Variants in ANKRD33B observed in about 807,000 individuals in gnomAD.
ANKRD33B encodes the protein ankyrin repeat domain-containing protein 33B.
In ANKRD33B, 6 loss-of-function variants were observed where a neutral mutation model predicts 21.5. That is an observed-to-expected ratio of 0.28 (90% CI 0.15 to 0.55). The LOEUF (loss-of-function observed/expected upper bound fraction) is 0.55. Among genes scored for constraint, ANKRD33B ranks in the 20% least tolerant of loss-of-function variants. The pLI is 0.94. For synonymous variants in ANKRD33B, 347 were observed against 342.4 expected (o/e 1.01, Z -0.15); for missense variants, 698 against 747.2 (o/e 0.93, Z 0.77).
chr5:10,638,576 G>A (rs115597151), intron 3 of ANKRD33B, among the ~76,000 whole-genome samples: 1,924 of 152,364 alleles, frequency 0.013, 50 homozygotes, highest in African/African-American at 0.044. Flanking sequence ...CTAGGTCACT[G>A]CTTGCTGGTG....
At chr5:10,591,560 G>A (rs4702704) in intron 1 of ANKRD33B, among the ~76,000 whole-genome samples, 85,548 of 151,794 alleles carry the variant, frequency 0.56, 24,612 homozygotes, top group East Asian at 0.7. Context: ...TTTTTTTTCC[G>A]TATGACTGGG....
At position 10,654,182 on chromosome 5, in the gene ANKRD33B, T is replaced by C. The variant is rs959448539; in HGVS notation, c.*4069T>C. On this transcript the variant is annotated 3_prime_UTR_variant, in exon 4 of 4. Transcript: ENST00000296657. ...GGGACCTCCTAGACCCCAGAGTGAA[T>C]GAATGGCAGGCCTGCCAGTGACTGT... 6 of 152,372 alleles carry C rather than the reference T, an allele frequency of 3.9e-5. No homozygotes were observed. The highest frequency in any genetic ancestry group is 1.4e-4 in the African/African-American group (6 of 41,440). 9.4% of individuals were successfully genotyped at this position (152,372 alleles called of 1,614,324 possible). A position where few individuals can be genotyped will look rare whatever the true frequency, so the allele number is the denominator to read the frequency against.
chr5:10,566,242 G>C (rs1031098517), intron 1 of ANKRD33B, among the ~76,000 whole-genome samples: 1 of 152,204 alleles, frequency 6.6e-6, no homozygotes, highest in African/African-American at 2.4e-5. Flanking sequence ...GAGCCCTGTA[G>C]TTCCTGCTGC....
At chr5:10,597,793 A>T (rs1410187726) in intron 1 of ANKRD33B, among the ~76,000 whole-genome samples, 1 of 152,116 alleles carries the variant, frequency 6.6e-6, no homozygotes, top group Non-Finnish European at 1.5e-5. Context: ...GAAGTAAAAC[A>T]CTCCTCAGCA....
intron 2 of ANKRD33B, among the ~76,000 whole-genome samples, chr5:10,634,261 A>G (rs971175495): frequency 2.6e-5 from 4 of 152,134 alleles, no homozygotes; most frequent in Non-Finnish European, 5.9e-5. Flanking sequence ...ACTATGTTCC[A>G]GTGACGCGAT....
In ANKRD33B at chr5:10,636,690, A is replaced by T. The variant is rs573284262; in HGVS notation, c.497-1338A>T. On this transcript the variant is annotated intron_variant, in intron 2 of 3. Coordinates refer to ENST00000296657, the MANE Select transcript of ANKRD33B (RefSeq NM_001164440.2). ...GGTTCAGGAGGAGAGACTCGGGCAG[A>T]TTGCTCATATTCCCAAGAGTTTCAG... 1.6e-4 allele frequency among the ~76,000 whole-genome samples: 25 copies of T among 152,312 alleles called. No individual in the cohort carries two copies. The South Asian group carries it at 5.2e-3, about 32-fold the overall frequency.
At chr5:10,648,584 A>ACC (rs1737242308) in intron 3 of ANKRD33B, among the ~76,000 whole-genome samples, 2 of 151,250 alleles carry the variant, frequency 1.3e-5, no homozygotes, top group Admixed American at 6.6e-5. Context: ...ACATGGAGAA[A>ACC]CCCCCTCTCT....
At chr5:10,615,601 T>C (rs999159261) in intron 1 of ANKRD33B, among the ~76,000 whole-genome samples, 3 of 152,234 alleles carry the variant, frequency 2.0e-5, no homozygotes, top group Non-Finnish European at 2.9e-5. Context: ...CCTGTTTTAG[T>C]TTGAAGAAAA....
At chr5:10,595,642 T>G (rs1264364343) in intron 1 of ANKRD33B, among the ~76,000 whole-genome samples, 1 of 152,204 alleles carries the variant, frequency 6.6e-6, no homozygotes, top group Non-Finnish European at 1.5e-5. Flanking sequence ...GGAGAGGGGT[T>G]CAGAATCCTC....
At chr5:10,607,396 C>T (rs1179482092) in intron 1 of ANKRD33B, among the ~76,000 whole-genome samples, 1 of 152,220 alleles carries the variant, frequency 6.6e-6, no homozygotes, top group African/African-American at 2.4e-5. Flanking sequence ...GCACATCGTC[C>T]ACCGTCTCTC....
chr5:10,634,408 GAACC>G, intron 2 of ANKRD33B, among the ~76,000 whole-genome samples: 1 of 151,808 alleles, frequency 6.6e-6, no homozygotes, highest in Non-Finnish European at 1.5e-5. Context: ...AGGATTTCAG[GAACC>G]AAGTCCGATT....
In ANKRD33B at chr5:10,646,158, C is replaced by A. The variant is rs118169542; in HGVS notation, c.638-3108C>A. Among the ~76,000 whole-genome samples, 25 of 152,270 alleles carry A rather than the reference C, an allele frequency of 1.6e-4. 1 individual carries two copies. In the East Asian group the frequency reaches 4.8e-3, roughly 29 times the overall value. On this transcript the variant is annotated intron_variant, in intron 3 of 3. Coordinates refer to ENST00000296657, the MANE Select transcript of ANKRD33B (RefSeq NM_001164440.2). ...GAGGATTTTGTGTAGACTTAGAGCA[C>A]TCAACAAGGCAGCGAGTGGACCCAT...
At chr5:10,639,037 A>G in intron 3 of ANKRD33B, among the ~76,000 whole-genome samples, 1 of 78,494 alleles carries the variant, frequency 1.3e-5, no homozygotes, top group East Asian at 3.5e-4. Context: ...CGGCGATGTT[A>G]GCGGGTGACG....
At chr5:10,574,057 T>C (rs1354902341) in intron 1 of ANKRD33B, among the ~76,000 whole-genome samples, 2 of 152,240 alleles carry the variant, frequency 1.3e-5, no homozygotes, top group African/African-American at 4.8e-5. Context: ...AACCCCTTCC[T>C]TGCCCCGGGC....
intron 2 of ANKRD33B, among the ~76,000 whole-genome samples, chr5:10,636,660 C>T (rs1736874316): frequency 6.6e-6 from 1 of 152,156 alleles, no homozygotes. Flanking sequence ...CAGCACCTCC[C>T]CTGGGGTTCA....
intron 1 of ANKRD33B, among the ~76,000 whole-genome samples, chr5:10,582,007 G>A (rs1229851327): frequency 6.6e-6 from 1 of 152,202 alleles, no homozygotes; most frequent in East Asian, 1.9e-4. Context: ...TCAGGCTCAC[G>A]CAGCTGGTGC....
chr5:10,602,350 C>T (rs1735952178), intron 1 of ANKRD33B, among the ~76,000 whole-genome samples: 2 of 152,256 alleles, frequency 1.3e-5, no homozygotes, highest in South Asian at 4.1e-4. Context: ...GGTCCTGGGA[C>T]TGCACTATGA....
chr5:10,634,457 A>AAT (rs756311020), intron 2 of ANKRD33B, among the ~76,000 whole-genome samples: 43 of 141,890 alleles, frequency 3.0e-4, no homozygotes, highest in African/African-American at 1.1e-3. Flanking sequence ...CTCAAACTAG[A>AAT]TTTTTTTCTT....
chr5:10,604,850 A>G (rs1050417128), intron 1 of ANKRD33B, among the ~76,000 whole-genome samples: 5 of 152,186 alleles, frequency 3.3e-5, no homozygotes, highest in African/African-American at 7.2e-5. Context: ...TGATGTTTGT[A>G]TTATCTAATG....
Sources: allele counts gnomAD v4.1 joint callset (sites outside exome capture counted in the v4.1 genomes callset), GRCh38; gene constraint gnomAD v4.1.1; transcripts MANE v1.5; gene names NCBI Gene and HGNC (gene_info 2026-07-23, HGNC 2026-07-21).